Variants in AK5 observed in about 807,000 individuals in gnomAD.
The protein encoded by AK5 is adenylate kinase 5.
A neutral mutation model predicts 69.5 loss-of-function variants in AK5; 27 were observed. The observed-to-expected ratio is 0.39, with a 90% CI of 0.29 to 0.54. The LOEUF is 0.54. Ranked by LOEUF, AK5 falls within the 20% of genes least tolerant of loss-of-function variation. The pLI is 0.71. For synonymous variants in AK5, 260 were observed against 244.4 expected, an observed-to-expected ratio of 1.06 and a Z score of -0.60; for missense variants, 531 against 700.4, an observed-to-expected ratio of 0.76 and a Z score of 2.73.
At chr1:77,424,643 T>C (rs1372888030) in intron 8 of AK5, among the ~76,000 whole-genome samples, 4 of 152,156 alleles carry the variant, frequency 2.6e-5, no homozygotes, top group African/African-American at 9.7e-5. Context: ...CTTTGATGGG[T>C]ACATTTAATA....
intron 13 of AK5, among the ~76,000 whole-genome samples, chr1:77,537,334 T>C (rs1659025357): frequency 6.6e-6 from 1 of 151,332 alleles, no homozygotes; most frequent in Non-Finnish European, 1.5e-5. Flanking sequence ...GGTTAAGAGA[T>C]GGAGATGGAG....
intron 6 of AK5, among the ~76,000 whole-genome samples, chr1:77,348,035 GT>G (rs1225233602): frequency 6.6e-5 from 10 of 152,240 alleles, no homozygotes; most frequent in Non-Finnish European, 1.2e-4. Flanking sequence ...ATATTTTATT[GT>G]GATGTTTTAT....
chr1:77,489,544 C>A (rs551456200), intron 10 of AK5, among the ~76,000 whole-genome samples: 17 of 152,224 alleles, frequency 1.1e-4, no homozygotes, highest in African/African-American at 4.1e-4. Context: ...ATAGACACAC[C>A]CATAGCTGTT....
intron 10 of AK5, 72 bp downstream of exon 10, chr1:77,486,424 G>A (rs542140483): frequency 2.4e-5 from 28 of 1,168,422 alleles, no homozygotes; most frequent in East Asian, 1.5e-4. Context: ...GGCCAGGTGC[G>A]GTGGCTTACA....
At chr1:77,425,651 G>A (rs1651154610) in intron 8 of AK5, among the ~76,000 whole-genome samples, 1 of 152,106 alleles carries the variant, frequency 6.6e-6, no homozygotes, top group Non-Finnish European at 1.5e-5. Context: ...AAGAAAGGAA[G>A]AGCATGAGAG....
chr1:77,517,031 A>G (rs1157506028), intron 10 of AK5, among the ~76,000 whole-genome samples: 3 of 150,226 alleles, frequency 2.0e-5, no homozygotes, highest in African/African-American at 4.9e-5. Context: ...AGATCACACC[A>G]CTGCACTCCA....
At chr1:77,447,951 C>T (rs746791535) in intron 8 of AK5, among the ~76,000 whole-genome samples, 3 of 152,174 alleles carry the variant, frequency 2.0e-5, no homozygotes, top group Non-Finnish European at 4.4e-5. Flanking sequence ...CTTTGTTCCT[C>T]ATAGGTAGTT....
intron 5 of AK5, 53 bp from the exon 6 acceptor site, chr1:77,340,324 C>A: frequency 6.7e-7 from 1 of 1,499,934 alleles, no homozygotes; most frequent in Non-Finnish European, 9.2e-7. Flanking sequence ...GCTGCCCACA[C>A]ATGCATTAGT....
rs2100415763 is a variant in AK5, at chr1:77,558,852, T to C, written c.*182T>C. On this transcript the variant is annotated 3_prime_UTR_variant, in exon 14 of 14. Coordinates refer to ENST00000354567, the MANE Select transcript of AK5 (RefSeq NM_174858.3). ...GTGAGAGGTGTCTGGAAATCATGCA[T>C]GGTGTATTTGGGACTATATCAACCT... The C allele has an allele frequency of 1.7e-6, 1 of 591,236 alleles. No individual in the cohort carries two copies. Among genetic ancestry groups the C allele is most frequent in the Admixed American group, 3.0e-5 (1 of 32,842 alleles). 36.6% of individuals were successfully genotyped at this position (591,236 alleles called of 1,614,324 possible). A position where few individuals can be genotyped will look rare whatever the true frequency, so the allele number is the denominator to read the frequency against.
chr1:77,447,978 T>A (rs1652853826), intron 8 of AK5, among the ~76,000 whole-genome samples: 1 of 152,214 alleles, frequency 6.6e-6, no homozygotes, highest in African/African-American at 2.4e-5. Context: ...GAGCAGAAGT[T>A]ACCATTGTCT....
rs80194000 is a variant in AK5 at position 77,502,642 on chromosome 1, A to G, written c.1148-15922A>G. 4.2e-3 allele frequency among the ~76,000 whole-genome samples: 636 copies of G among 152,340 alleles called. 2 individuals carry two copies. The highest frequency in any genetic ancestry group is 0.015 in the African/African-American group (617 of 41,574). On this transcript the variant is annotated intron_variant, in intron 10 of 13. Coordinates refer to ENST00000354567, the MANE Select transcript of AK5 (RefSeq NM_174858.3). Reference sequence around the variant, plus strand: ...TTTAAAAAAAAAGTTTTGATTTTTAATCTTCCCTGGTAGGACCATGCTCAC... The same window carrying G: ...TTTAAAAAAAAAGTTTTGATTTTTAGTCTTCCCTGGTAGGACCATGCTCAC...
At chr1:77,403,153 T>C (rs906854673) in intron 6 of AK5, among the ~76,000 whole-genome samples, 1 of 152,212 alleles carries the variant, frequency 6.6e-6, no homozygotes, top group Non-Finnish European at 1.5e-5. Flanking sequence ...GTTTGTTTTT[T>C]TCTTGTAAAT....
intron 12 of AK5, among the ~76,000 whole-genome samples, chr1:77,530,868 G>A (rs1344801278): frequency 6.6e-6 from 1 of 152,108 alleles, no homozygotes; most frequent in Admixed American, 6.5e-5. Flanking sequence ...AGGTGGGGGT[G>A]GAGTCAGAGG....
chr1:77,365,824 G>A (rs1234387405), intron 6 of AK5, among the ~76,000 whole-genome samples: 1 of 152,190 alleles, frequency 6.6e-6, no homozygotes, highest in African/African-American at 2.4e-5. Flanking sequence ...TCTAGGTGAT[G>A]TTTCCAAGAG....
chr1:77,508,866 CAA>C (rs11380102), intron 10 of AK5, among the ~76,000 whole-genome samples: 4 of 133,906 alleles, frequency 3.0e-5, no homozygotes. Flanking sequence ...GACTCCATCT[CAA>C]AAAAAAAAAA....
chr1:77,293,732 G>A, intron 2 of AK5, 61 bp from the exon 3 acceptor site: 1 of 1,393,222 alleles, frequency 7.2e-7, no homozygotes, highest in African/African-American at 1.5e-5. Context: ...AACTGTTTAA[G>A]TGTGAAGAGT....
intron 6 of AK5, among the ~76,000 whole-genome samples, chr1:77,397,796 G>A (rs982086652): frequency 6.6e-6 from 1 of 152,172 alleles, no homozygotes; most frequent in Non-Finnish European, 1.5e-5. Flanking sequence ...CAGCTACTCA[G>A]GAGGCTGAGG....
At chr1:77,399,456 C>G (rs1182638930) in intron 6 of AK5, among the ~76,000 whole-genome samples, 1 of 152,112 alleles carries the variant, frequency 6.6e-6, no homozygotes, top group Non-Finnish European at 1.5e-5. Context: ...AATTAGACAG[C>G]CAGATCAAGG....
chr1:77,506,395 G>A (rs1352646657), intron 10 of AK5, among the ~76,000 whole-genome samples: 2 of 152,110 alleles, frequency 1.3e-5, no homozygotes, highest in Non-Finnish European at 2.9e-5. Flanking sequence ...AGAGATGGGG[G>A]TAGGGTGAAG....
Sources: gnomAD v4.1 joint callset for allele counts (sites outside exome capture counted in the v4.1 genomes callset) on GRCh38, gnomAD v4.1.1 for gene constraint, MANE v1.5 for transcripts, NCBI Gene and HGNC (gene_info 2026-07-23, HGNC 2026-07-21) for gene names.